TSFM: variants seen among roughly 807,000 people sequenced by gnomAD.
TSFM encodes the protein elongation factor Ts, mitochondrial.
Under a neutral mutation model 33.4 loss-of-function variants are expected in TSFM, and 29 were observed. The ratio of observed to expected loss-of-function variants is 0.87; its 90% CI spans 0.65 to 1.18. The LOEUF is 1.18. Ranked by LOEUF, TSFM falls within the 50% of genes most tolerant of loss-of-function variation. The pLI is 0.00. For missense variants in TSFM, 394 were observed against 395.6 expected (o/e 1.00, Z 0.04); for synonymous variants, 178 against 163.5 (o/e 1.09, Z -0.68).
At chr12:57,785,177 C>T (rs1955574631) in intron 2 of TSFM, among the ~76,000 whole-genome samples, 1 of 152,096 alleles carries the variant, frequency 6.6e-6, no homozygotes, top group Admixed American at 6.5e-5. Context: ...CCGCCCACCT[C>T]AGCCTCCCAA....
At chr12:57,796,071 T>C (rs1239115632) in intron 5 of TSFM, 106 bp from the exon 6 acceptor site, 31 of 1,009,842 alleles carry the variant, frequency 3.1e-5, no homozygotes, top group Admixed American at 5.7e-5. Context: ...CCTATGTAAA[T>C]GCAAAGGGAC....
At chr12:57,794,279 C>G (rs1955701658) in intron 5 of TSFM, among the ~76,000 whole-genome samples, 1 of 152,188 alleles carries the variant, frequency 6.6e-6, no homozygotes, top group African/African-American at 2.4e-5. Context: ...TCTGGATTCT[C>G]CTTTTTCATG....
chr12:57,789,437 C>G (rs1398315914), intron 4 of TSFM, among the ~76,000 whole-genome samples: 2 of 152,114 alleles, frequency 1.3e-5, no homozygotes, highest in African/African-American at 4.8e-5. Flanking sequence ...GATCTCAGCT[C>G]ACTGCAACCT....
At position 57,783,098 on chromosome 12, in the gene TSFM, TATCTC is replaced by T. The variant is rs772753774; in HGVS notation, c.58-7_58-3del. On this transcript the variant is annotated splice_polypyrimidine_tract_variant and splice_region_variant and intron_variant, in intron 1 of 5. Transcript: ENST00000652027. ...TGCTTCCTGCTCCTCATCCCTTTCT[TATCTC>T]ATCTAGGCTGGGTCTCTTCTGCGTC... 1.2e-6 allele frequency: 2 copies of T among 1,602,200 alleles called. No homozygotes were observed. Among genetic ancestry groups the T allele is most frequent in the Non-Finnish European group, 1.7e-6 (2 of 1,175,966 alleles).
At position 57,796,837 on chromosome 12, in the gene TSFM, C is replaced by G. The variant is rs934366741; in HGVS notation, c.*254C>G. The G allele has an allele frequency of 1.4e-5, 16 of 1,135,588 alleles. No individual in the cohort carries two copies. The African/African-American group carries it at 2.4e-4, about 17-fold the overall frequency. The allele number at this position is 1,135,588 out of a possible 1,614,324, so 70.3% of individuals were successfully genotyped here. On this transcript the variant is annotated 3_prime_UTR_variant, in exon 6 of 6. Transcript: ENST00000652027. ...CAGGCATCAACAATACTGCTGCTCCCTTCAACATAGATTTATTATGGTATT... is the reference window on the plus strand; with the variant it reads ...CAGGCATCAACAATACTGCTGCTCCGTTCAACATAGATTTATTATGGTATT...
At chr12:57,793,245 C>T (rs1260576719) in intron 5 of TSFM, among the ~76,000 whole-genome samples, 172 bp downstream of exon 5, 1 of 151,282 alleles carries the variant, frequency 6.6e-6, no homozygotes, top group African/African-American at 2.4e-5. Context: ...TTTTTTTTTC[C>T]GAGACAGAGT....
Position 57,792,988 on chromosome 12 carries a change from T to A in TSFM, c.486T>A (p.Gly162=), listed in dbSNP as rs757144390. Residue 162 remains glycine, a splice_region_variant and synonymous_variant, in exon 5 of 6, where the codon GGT becomes GGA. Transcript: ENST00000652027. ...LKDQPSAYSK[G]FLNSSELSGL... ...GTTTGTTTTCTTCGTGCACTTAGGG[T>A]TTCTTGAATTCCTCTGAGCTTTCTG... 6.2e-7 allele frequency: 1 copy of A among 1,613,730 alleles called. No individual in the cohort carries two copies. Among genetic ancestry groups the A allele is most frequent in the Non-Finnish European group, 8.5e-7 (1 of 1,179,674 alleles).
At chr12:57,798,503 A>G (rs1955780748), downstream of TSFM, among the ~76,000 whole-genome samples, 1 of 152,212 alleles carries the variant, frequency 6.6e-6, no homozygotes, top group Non-Finnish European at 1.5e-5. Flanking sequence ...TGCTTTCAAG[A>G]AAATTGTAGT....
downstream of TSFM, among the ~76,000 whole-genome samples, chr12:57,798,355 C>T (rs1595151661): frequency 6.6e-6 from 1 of 152,078 alleles, no homozygotes. Context: ...TGTTTTCTGC[C>T]CGTAACTACC....
At chr12:57,794,794 C>T (rs553536965) in intron 5 of TSFM, among the ~76,000 whole-genome samples, 1 of 152,052 alleles carries the variant, frequency 6.6e-6, no homozygotes, top group Non-Finnish European at 1.5e-5. Flanking sequence ...GAGTCTTGCT[C>T]TGTTGCCCAG....
downstream of TSFM, chr12:57,798,020 G>A (rs1157974905): frequency 6.5e-7 from 1 of 1,536,330 alleles, no homozygotes; most frequent in African/African-American, 1.4e-5. Flanking sequence ...AAAGTTTCTA[G>A]TTAGAAGGAA....
downstream of TSFM, chr12:57,799,645 C>G (rs1383497099): frequency 4.9e-6 from 5 of 1,025,232 alleles, 1 homozygote; most frequent in South Asian, 3.2e-5. Flanking sequence ...AGAAAGAACC[C>G]TGGTTTTTTT....
chr12:57,797,521 A>T lies in TSFM; in HGVS notation c.*938A>T. ...AGATTTTAGAAATAATCATCTTAAA[A>T]TTGAAAACAAAGGTAGGTCCTGGTA... is the stretch of plus-strand genomic sequence containing the variant. On this transcript the variant is annotated 3_prime_UTR_variant, in exon 6 of 6. Coordinates refer to ENST00000652027, the MANE Select transcript of TSFM (RefSeq NM_005726.6). 1 of 964,064 alleles carries T rather than the reference A, an allele frequency of 1.0e-6. No individual in the cohort carries two copies. Among genetic ancestry groups the T allele is most frequent in the Non-Finnish European group, 1.2e-6 (1 of 810,256 alleles). 59.7% of individuals were successfully genotyped at this position (964,064 alleles called of 1,614,324 possible).
At chr12:57,788,874 C>T (rs900513151) in intron 4 of TSFM, among the ~76,000 whole-genome samples, 1 of 151,924 alleles carries the variant, frequency 6.6e-6, no homozygotes, top group African/African-American at 2.4e-5. Flanking sequence ...CTCAAGAAAT[C>T]CACCTGCTTT....
At chr12:57,802,188 A>T, downstream of TSFM, 3 of 1,613,986 alleles carry the variant, frequency 1.9e-6, no homozygotes, top group Non-Finnish European at 1.7e-6. Flanking sequence ...CCAGGCTAGG[A>T]ACCAGCCTGT....
At chr12:57,791,754 A>G (rs1346839549) in intron 4 of TSFM, among the ~76,000 whole-genome samples, 1 of 152,342 alleles carries the variant, frequency 6.6e-6, no homozygotes, top group South Asian at 2.1e-4. Context: ...TAATTGTTCA[A>G]TGAATAATCT....
At chr12:57,798,193 C>A (rs1955774338), downstream of TSFM, among the ~76,000 whole-genome samples, 1 of 152,204 alleles carries the variant, frequency 6.6e-6, no homozygotes, top group African/African-American at 2.4e-5. Flanking sequence ...CCATTTTGGC[C>A]TGTGGCAGAA....
chr12:57,783,825 A>G (rs1437113885), intron 2 of TSFM: 1 of 627,796 alleles, frequency 1.6e-6, no homozygotes, highest in Middle Eastern at 2.8e-4. Flanking sequence ...CGTGTCGGCC[A>G]GGCTGGTCTC....
At chr12:57,802,052 G>A (rs1955859131), downstream of TSFM, 1 of 1,281,698 alleles carries the variant, frequency 7.8e-7, no homozygotes, top group Non-Finnish European at 1.1e-6. Context: ...GTAGGGAAAT[G>A]AGGTCCTGGT....
Sources: gnomAD v4.1 joint callset for allele counts (sites outside exome capture counted in the v4.1 genomes callset) on GRCh38, gnomAD v4.1.1 for gene constraint, MANE v1.5 for transcripts, NCBI Gene and HGNC (gene_info 2026-07-23, HGNC 2026-07-21) for gene names.